Variants in IQCM observed in about 807,000 individuals in gnomAD.
The protein encoded by IQCM is IQ motif containing M.
In IQCM, 45 loss-of-function variants were observed where a neutral mutation model predicts 57.6. That is an observed-to-expected ratio of 0.78 (90% CI 0.62 to 1.00). IQCM has a LOEUF of 1.00. IQCM is among the 50% of genes least tolerant of loss of function. The pLI, the probability that IQCM is intolerant of heterozygous loss-of-function variation, is 0.00. For synonymous variants in IQCM, 148 were observed against 158.9 expected (o/e 0.93, Z 0.51); for missense variants, 468 against 511.6 (o/e 0.91, Z 0.82).
chr4:149,454,634 A>G lies in IQCM; in HGVS notation c.1229-21077T>C, dbSNP rs72955428. Among the ~76,000 whole-genome samples the G allele has an allele frequency of 2.8e-3, 431 of 152,196 alleles. 2 individuals carry two copies. Among genetic ancestry groups the G allele is most frequent in the African/African-American group, 9.8e-3 (407 of 41,552 alleles). On this transcript the variant is annotated intron_variant, in intron 12 of 13. Coordinates refer to ENST00000636793, the MANE Select transcript of IQCM (RefSeq NM_001363507.2). Reference sequence around the variant, plus strand: ...AACTAAAATAAAAGGTTTTTTTAAAAAATGTGGTTCATCCATACACTGGAA... The same window carrying G: ...AACTAAAATAAAAGGTTTTTTTAAAGAATGTGGTTCATCCATACACTGGAA...
intron 7 of IQCM, among the ~76,000 whole-genome samples, chr4:149,623,077 T>G (rs923199800): frequency 1.3e-5 from 2 of 152,122 alleles, no homozygotes; most frequent in Non-Finnish European, 2.9e-5. Flanking sequence ...GATAAATATA[T>G]TAACTACCCT....
At chr4:149,654,556 T>C (rs984226228) in intron 7 of IQCM, among the ~76,000 whole-genome samples, 2 of 152,202 alleles carry the variant, frequency 1.3e-5, no homozygotes, top group Admixed American at 6.5e-5. Flanking sequence ...TGCACTAGGC[T>C]TGTACAGCCT....
chr4:149,378,788 A>T (rs1730872523), intron 13 of IQCM, among the ~76,000 whole-genome samples: 1 of 152,206 alleles, frequency 6.6e-6, no homozygotes, highest in African/African-American at 2.4e-5. Flanking sequence ...ATAAGTAACA[A>T]GGAGCCAAAT....
intron 9 of IQCM, among the ~76,000 whole-genome samples, chr4:149,570,002 A>T (rs968078014): frequency 6.6e-6 from 1 of 152,072 alleles, no homozygotes; most frequent in Admixed American, 6.6e-5. Context: ...TAAATAGTAT[A>T]TAAATGGTTT....
At chr4:149,673,746 T>C (rs998518780) in intron 7 of IQCM, among the ~76,000 whole-genome samples, 17 of 152,240 alleles carry the variant, frequency 1.1e-4, no homozygotes, top group African/African-American at 4.1e-4. Flanking sequence ...TATCCAGGAA[T>C]TGAACTCAGC....
intron 7 of IQCM, among the ~76,000 whole-genome samples, chr4:149,640,522 C>T (rs1334723390): frequency 2.0e-5 from 3 of 152,152 alleles, no homozygotes; most frequent in Non-Finnish European, 4.4e-5. Context: ...GCAAAGCTAT[C>T]ATCTTCTCTT....
intron 13 of IQCM, among the ~76,000 whole-genome samples, chr4:149,390,944 A>T (rs537744282): frequency 5.9e-5 from 9 of 151,884 alleles, no homozygotes; most frequent in Non-Finnish European, 1.3e-4. Flanking sequence ...GAGTGGGAGA[A>T]ATATCCTCTC....
At chr4:149,546,143 T>A (rs572941460) in intron 12 of IQCM, among the ~76,000 whole-genome samples, 1 of 152,322 alleles carries the variant, frequency 6.6e-6, no homozygotes, top group East Asian at 1.9e-4. Flanking sequence ...ACAAAGGACA[T>A]GAACTCATCT....
At chr4:149,354,408 G>T (rs1181958975) in intron 13 of IQCM, among the ~76,000 whole-genome samples, 2 of 131,318 alleles carry the variant, frequency 1.5e-5, no homozygotes, top group Non-Finnish European at 3.2e-5. Context: ...TTAGGCCACA[G>T]TAATTGCAAA....
intron 12 of IQCM, among the ~76,000 whole-genome samples, chr4:149,522,729 T>A (rs1745779124): frequency 6.6e-6 from 1 of 151,998 alleles, no homozygotes; most frequent in South Asian, 2.1e-4. Context: ...AAAAAGTAAC[T>A]ACAGAAGGAA....
At chr4:149,647,742 A>C (rs572321295) in intron 7 of IQCM, among the ~76,000 whole-genome samples, 2 of 152,232 alleles carry the variant, frequency 1.3e-5, no homozygotes, top group African/African-American at 4.8e-5. Flanking sequence ...AATCAAATTT[A>C]GGATTAATTG....
chr4:149,385,020 T>C (rs1731323353), intron 13 of IQCM, among the ~76,000 whole-genome samples: 1 of 151,968 alleles, frequency 6.6e-6, no homozygotes, highest in African/African-American at 2.4e-5. Context: ...ACTTGCTACA[T>C]GTATTGAGGT....
intron 8 of IQCM, among the ~76,000 whole-genome samples, chr4:149,594,923 G>A (rs184591714): frequency 6.6e-6 from 1 of 152,280 alleles, no homozygotes; most frequent in East Asian, 1.9e-4. Flanking sequence ...TGAGAAGAAT[G>A]TATATTCTGT....
In IQCM at chr4:149,696,939, G is replaced by A. The variant is rs114885415; in HGVS notation, c.386-10471C>T. On this transcript the variant is annotated intron_variant, in intron 5 of 13. Coordinates refer to ENST00000636793, the MANE Select transcript of IQCM (RefSeq NM_001363507.2). ...ATATACTCCAAACCAAGGTGGAGGAGGAAAGGAAAGGTGGAACAATAACCC... is the reference window on the plus strand; with the variant it reads ...ATATACTCCAAACCAAGGTGGAGGAAGAAAGGAAAGGTGGAACAATAACCC... Among the ~76,000 whole-genome samples, 1,172 of 152,214 alleles carry A rather than the reference G, an allele frequency of 7.7e-3. 8 individuals carry two copies. Among genetic ancestry groups the A allele is most frequent in the Non-Finnish European group, 0.013 (889 of 67,992 alleles).
At chr4:149,802,568 A>G (rs1773700057) in intron 2 of IQCM, among the ~76,000 whole-genome samples, 1 of 151,956 alleles carries the variant, frequency 6.6e-6, no homozygotes, top group South Asian at 2.1e-4. Context: ...TTGTAACAAA[A>G]GCTAATGGAG....
chr4:149,640,753 C>T (rs971194994), intron 7 of IQCM, among the ~76,000 whole-genome samples: 2 of 152,000 alleles, frequency 1.3e-5, no homozygotes, highest in African/African-American at 4.8e-5. Flanking sequence ...TCTTTTGATA[C>T]AAAGACAATT....
chr4:149,553,589 C>T (rs925961082), intron 10 of IQCM, among the ~76,000 whole-genome samples: 25 of 152,196 alleles, frequency 1.6e-4, no homozygotes, highest in African/African-American at 6.0e-4. Flanking sequence ...ATGTAGCCCA[C>T]TCTGCCAGAA....
intron 13 of IQCM, among the ~76,000 whole-genome samples, 176 bp from the exon 14 acceptor site, chr4:149,352,242 G>A (rs1728631756): frequency 7.9e-5 from 12 of 152,136 alleles, no homozygotes; most frequent in Admixed American, 7.9e-4. Flanking sequence ...TATATATCAT[G>A]CCAAGAGACT....
chr4:149,802,689 T>A (rs555640494), intron 2 of IQCM, among the ~76,000 whole-genome samples: 1 of 151,996 alleles, frequency 6.6e-6, no homozygotes, highest in South Asian at 2.1e-4. Context: ...GGATGACAAA[T>A]GTATTTGAGA....
Sources: allele counts gnomAD v4.1 joint callset (sites outside exome capture counted in the v4.1 genomes callset), GRCh38; gene constraint gnomAD v4.1.1; transcripts MANE v1.5; gene names NCBI Gene and HGNC (gene_info 2026-07-23, HGNC 2026-07-21).